The following SLC37A3 variants were observed in gnomAD, a reference collection of about 807,000 sequenced individuals.
SLC37A3 encodes the protein solute carrier family 37 member 3, also known as sugar phosphate exchanger 3.
In SLC37A3, 51 loss-of-function variants were observed where a neutral mutation model predicts 67.1. The observed-to-expected ratio is 0.76, with a 90% CI of 0.61 to 0.96. SLC37A3 has a LOEUF of 0.96. Ranked by LOEUF, SLC37A3 falls within the 40% of genes least tolerant of loss-of-function variation. SLC37A3 has a pLI of 0.00. For missense variants in SLC37A3, 508 were observed against 603.0 expected, an observed-to-expected ratio of 0.84 and a Z score of 1.65; for synonymous variants, 214 against 231.4, an observed-to-expected ratio of 0.92 and a Z score of 0.68.
intron 1 of SLC37A3, among the ~76,000 whole-genome samples, chr7:140,387,832 T>C (rs1798557005): frequency 9.9e-6 from 1 of 100,656 alleles, no homozygotes; most frequent in Non-Finnish European, 1.9e-5. Context: ...TTATATATAT[T>C]ATATATAAAC....
At chr7:140,371,481 G>A (rs751264355) in intron 3 of SLC37A3, among the ~76,000 whole-genome samples, 2 of 152,070 alleles carry the variant, frequency 1.3e-5, no homozygotes, top group Admixed American at 6.6e-5. Context: ...CGAGAGCTAC[G>A]TTCTTTCTAA....
chr7:140,362,318 C>G (rs1448388400), intron 5 of SLC37A3, among the ~76,000 whole-genome samples: 1 of 141,792 alleles, frequency 7.1e-6, no homozygotes, highest in Non-Finnish European at 1.6e-5. Context: ...GCCTGGCAAC[C>G]GCCCCGTCTG....
At position 140,349,542 on chromosome 7, in the gene SLC37A3, G is replaced by C. The variant is rs56080999; in HGVS notation, c.883-775C>G. ...ACATTCAGCATCAAAGGAAAAAGGGGGGGGGGACAGAGGGGCTGACTTCAA... is the reference window on the plus strand; with the variant it reads ...ACATTCAGCATCAAAGGAAAAAGGGCGGGGGGACAGAGGGGCTGACTTCAA... On this transcript the variant is annotated intron_variant, in intron 9 of 14. Coordinates refer to ENST00000326232, the MANE Select transcript of SLC37A3 (RefSeq NM_207113.3). 4.4e-3 allele frequency among the ~76,000 whole-genome samples: 666 copies of C among 150,832 alleles called. 22 individuals are homozygous for C. The South Asian group carries it at 0.07, about 16-fold the overall frequency.
At chr7:140,346,066 G>T in intron 10 of SLC37A3, 96 bp from the exon 11 acceptor site, 1 of 835,542 alleles carries the variant, frequency 1.2e-6, no homozygotes, top group Admixed American at 1.9e-5. Flanking sequence ...ACTAGCAGCA[G>T]CCTGACACTA....
At chr7:140,373,061 C>T (rs1054827988) in intron 3 of SLC37A3, among the ~76,000 whole-genome samples, 1 of 152,128 alleles carries the variant, frequency 6.6e-6, no homozygotes, top group Non-Finnish European at 1.5e-5. Context: ...AAGCGATTCT[C>T]CTGCCTCAGC....
intron 4 of SLC37A3, among the ~76,000 whole-genome samples, chr7:140,364,960 AACGTGTTACC>A (rs1164204540): frequency 2.6e-5 from 4 of 152,264 alleles, no homozygotes; most frequent in Non-Finnish European, 5.9e-5. Context: ...ACTCTGGGTT[AACGTGTTACC>A]ACACGCCCTG....
At chr7:140,342,202 C>T (rs1796386363) in intron 13 of SLC37A3, among the ~76,000 whole-genome samples, 1 of 152,200 alleles carries the variant, frequency 6.6e-6, no homozygotes, top group Non-Finnish European at 1.5e-5. Context: ...AAAGTATTAA[C>T]ATGGCTTACT....
chr7:140,375,946 G>C (rs1022876350), intron 3 of SLC37A3, among the ~76,000 whole-genome samples: 1 of 152,196 alleles, frequency 6.6e-6, no homozygotes, highest in East Asian at 1.9e-4. Flanking sequence ...TGCAACCGCA[G>C]TGTTCCATCC....
intron 1 of SLC37A3, among the ~76,000 whole-genome samples, chr7:140,396,187 T>C (rs1402184703): frequency 6.6e-6 from 1 of 151,854 alleles, no homozygotes; most frequent in Non-Finnish European, 1.5e-5. Context: ...ACCTGGCTAA[T>C]TTTCTTAGTT....
intron 7 of SLC37A3, among the ~76,000 whole-genome samples, chr7:140,352,667 A>G (rs1171839010): frequency 2.0e-5 from 3 of 152,160 alleles, no homozygotes; most frequent in Admixed American, 2.0e-4. Flanking sequence ...TGGAAAATCA[A>G]AGTCAATTGC....
At chr7:140,336,871 G>A (rs908860544) in intron 14 of SLC37A3, among the ~76,000 whole-genome samples, 9 of 149,764 alleles carry the variant, frequency 6.0e-5, no homozygotes, top group African/African-American at 2.2e-4. Flanking sequence ...GGCCGAGTCG[G>A]GTGGATCACC....
chr7:140,335,594 T>G, intron 14 of SLC37A3, 90 bp from the exon 15 acceptor site: 1 of 1,445,414 alleles, frequency 6.9e-7, no homozygotes, highest in South Asian at 1.3e-5. Context: ...TTTGGACAAT[T>G]ACATTCATTT....
rs1333512237 is a variant in SLC37A3, at chr7:140,380,167, CAGTG to C, written c.198+111_198+114del. The stretch of plus-strand genomic sequence containing the variant: ...AGTTTGGCTCTTATGTGATAGGAAA[CAGTG>C]AGCCATTTCAGAGTCTAGGCAAGTA... On this transcript the variant is annotated intron_variant, in intron 3 of 14. Coordinates refer to ENST00000326232, the MANE Select transcript of SLC37A3 (RefSeq NM_207113.3). 3.8e-5 allele frequency: 21 copies of C among 546,474 alleles called. 1 individual carries two copies. The Admixed American group carries it at 4.9e-4, about 13-fold the overall frequency. 33.9% of individuals were successfully genotyped at this position (546,474 alleles called of 1,614,324 possible). A position where few individuals can be genotyped will look rare whatever the true frequency, so the allele number is the denominator to read the frequency against.
At chr7:140,367,805 CAG>C (rs1480827841) in intron 4 of SLC37A3, among the ~76,000 whole-genome samples, 1 of 149,134 alleles carries the variant, frequency 6.7e-6, no homozygotes, top group Non-Finnish European at 1.5e-5. Context: ...GCTACCTCTC[CAG>C]GATCCCACCT....
intron 12 of SLC37A3, 138 bp from the exon 13 acceptor site, chr7:140,343,701 T>A (rs2117036426): frequency 1.2e-6 from 1 of 830,504 alleles, no homozygotes; most frequent in East Asian, 2.7e-5. Flanking sequence ...CCAGATAGTA[T>A]CATTTTCAAA....
intron 1 of SLC37A3, among the ~76,000 whole-genome samples, chr7:140,394,491 G>A (rs66471413): frequency 0.29 from 44,398 of 151,246 alleles, 7,374 homozygotes; most frequent in South Asian, 0.5. Context: ...TTGTGGTGGC[G>A]GACACCTGTG....
intron 2 of SLC37A3, among the ~76,000 whole-genome samples, chr7:140,381,078 A>G (rs1746946601): frequency 6.6e-6 from 1 of 150,980 alleles, no homozygotes; most frequent in Admixed American, 6.6e-5. Flanking sequence ...TTGTATTTTT[A>G]GGAGAGACGG....
rs150115141 is a variant in SLC37A3 at position 140,368,288 on chromosome 7, G to A, written c.291+1302C>T. ...AAATCATCTAAAGGCCAAGGACTCCGAGCGCAGTGGCTCACGCCTGTAATC... is the reference window on the plus strand; with the variant it reads ...AAATCATCTAAAGGCCAAGGACTCCAAGCGCAGTGGCTCACGCCTGTAATC... On this transcript the variant is annotated intron_variant, in intron 4 of 14. Transcript: ENST00000326232. Among the ~76,000 whole-genome samples the A allele has an allele frequency of 9.9e-5, 15 of 151,816 alleles. No homozygotes were observed. In the East Asian group the frequency reaches 2.2e-3, roughly 22 times the overall value.
intron 1 of SLC37A3, among the ~76,000 whole-genome samples, chr7:140,397,089 A>G (rs1798962981): frequency 6.7e-6 from 1 of 148,408 alleles, no homozygotes; most frequent in African/African-American, 2.5e-5. Flanking sequence ...AGTCCCAGCT[A>G]CTCGGGAGGC....
Sources: gnomAD v4.1 joint callset for allele counts (sites outside exome capture counted in the v4.1 genomes callset) on GRCh38, gnomAD v4.1.1 for gene constraint, MANE v1.5 for transcripts, NCBI Gene and HGNC (gene_info 2026-07-23, HGNC 2026-07-21) for gene names.